SHISA9: variants seen among roughly 807,000 people sequenced by gnomAD.
The protein encoded by SHISA9 is shisa family member 9, also known as protein shisa-9.
Under a neutral mutation model 38.0 loss-of-function variants are expected in SHISA9, and 13 were observed. The observed-to-expected ratio is 0.34, with a 90% confidence interval of 0.22 to 0.54. The LOEUF (loss-of-function observed/expected upper bound fraction) is 0.54. SHISA9 is among the 20% of genes least tolerant of loss of function. The pLI, the probability that SHISA9 is intolerant of heterozygous loss-of-function variation, is 0.91. For synonymous variants in SHISA9, 275 were observed against 242.0 expected (o/e 1.14, Z -1.27); for missense variants, 538 against 575.8 (o/e 0.93, Z 0.67).
the SHISA9 span, among the ~76,000 whole-genome samples, chr16:13,459,251 C>T: frequency 6.6e-6 from 1 of 152,032 alleles, no homozygotes; most frequent in Admixed American, 6.6e-5. Context: ...TCACGTGCAG[C>T]CCTGGTGTAG....
In SHISA9 at chr16:12,902,081, G is replaced by C. The variant is rs1268219852; in HGVS notation, c.17G>C (p.Arg6Pro). 2.0e-6 allele frequency: 3 copies of C among 1,490,554 alleles called. No individual in the cohort carries two copies. Among genetic ancestry groups the C allele is most frequent in the East Asian group, 5.7e-5 (2 of 35,148 alleles). The allele number at this position is 1,490,554 out of a possible 1,614,324, so 92.3% of individuals were successfully genotyped here. MRRVLRLLLGCFLTEL... is the reference protein window; with the variant it reads MRRVLPLLLGCFLTEL... ...GGAGACACCATGCGCCGCGTCCTTC[G>C]GCTGCTCCTCGGTTGCTTCCTCACC... Residue 6 changes from arginine (R) to proline (P), a missense_variant, in exon 1 of 5, where the codon CGG (arginine) becomes CCG (proline). Around this residue, in one of 4 missense-constraint regions of SHISA9, gnomAD observed 107 missense variants for 103.0 expected, o/e 1.04. Coordinates refer to ENST00000558583, the MANE Select transcript of SHISA9 (RefSeq NM_001145204.3).
chr16:13,540,792 A>G, the SHISA9 span, among the ~76,000 whole-genome samples: 50 of 152,326 alleles, frequency 3.3e-4, no homozygotes, highest in Non-Finnish European at 3.1e-4. Flanking sequence ...GTAGATGATC[A>G]TTAATATTTA....
At chr16:13,520,115 G>A in the SHISA9 span, among the ~76,000 whole-genome samples, 1 of 152,202 alleles carries the variant, frequency 6.6e-6, no homozygotes, top group South Asian at 2.1e-4. Context: ...CTGGGATAAT[G>A]CTGGTGACAG....
intron 2 of SHISA9, among the ~76,000 whole-genome samples, chr16:13,164,215 C>T (rs1231897084): frequency 1.3e-5 from 2 of 151,982 alleles, no homozygotes; most frequent in African/African-American, 2.4e-5. Context: ...CATTTTATCA[C>T]ATGATTTTTA....
At chr16:13,368,559 T>A in the SHISA9 span, among the ~76,000 whole-genome samples, 1 of 152,098 alleles carries the variant, frequency 6.6e-6, no homozygotes, top group Non-Finnish European at 1.5e-5. Context: ...AGTGTGAGCT[T>A]GTTTTTAGAT....
intron 2 of SHISA9, among the ~76,000 whole-genome samples, chr16:13,119,083 A>G (rs1821917): frequency 0.046 from 6,892 of 150,418 alleles, 259 homozygotes; most frequent in East Asian, 0.17. Flanking sequence ...GGCTAGGCTG[A>G]TCTTGAACTT....
the SHISA9 span, among the ~76,000 whole-genome samples, chr16:13,334,773 C>CAA: frequency 0.026 from 2,554 of 97,328 alleles, 66 homozygotes; most frequent in South Asian, 0.064. Context: ...GACTCCATCT[C>CAA]AAAAAAAAAA....
At chr16:13,513,540 T>A in the SHISA9 span, among the ~76,000 whole-genome samples, 1 of 152,212 alleles carries the variant, frequency 6.6e-6, no homozygotes, top group African/African-American at 2.4e-5. Context: ...TGCACATGTA[T>A]GTTTATTGCA....
chr16:13,498,976 A>C, the SHISA9 span, among the ~76,000 whole-genome samples: 1 of 152,102 alleles, frequency 6.6e-6, no homozygotes, highest in African/African-American at 2.4e-5. Flanking sequence ...TGCTGAGAGG[A>C]TACCTATGGG....
intron 2 of SHISA9, among the ~76,000 whole-genome samples, chr16:13,095,174 G>T (rs1321454094): frequency 2.0e-5 from 3 of 152,212 alleles, no homozygotes; most frequent in Admixed American, 1.3e-4. Flanking sequence ...ACGTGTATTT[G>T]GAGCTTGTTT....
the SHISA9 span, among the ~76,000 whole-genome samples, chr16:13,409,027 C>G: frequency 6.6e-6 from 1 of 152,164 alleles, no homozygotes; most frequent in African/African-American, 2.4e-5. Flanking sequence ...CCGTATAAAC[C>G]CTGAACCCCA....
chr16:13,114,006 C>T (rs1187531480), intron 2 of SHISA9, among the ~76,000 whole-genome samples: 2 of 152,060 alleles, frequency 1.3e-5, no homozygotes, highest in Non-Finnish European at 2.9e-5. Flanking sequence ...TGGAAAAATT[C>T]CGGAGAATTT....
the SHISA9 span, among the ~76,000 whole-genome samples, chr16:13,418,028 A>G: frequency 6.6e-6 from 1 of 152,118 alleles, no homozygotes; most frequent in Non-Finnish European, 1.5e-5. Flanking sequence ...TCTTCTTTAA[A>G]TCCTTCCTTT....
the SHISA9 span, among the ~76,000 whole-genome samples, chr16:13,377,707 C>T: frequency 1.3e-5 from 2 of 152,288 alleles, no homozygotes; most frequent in East Asian, 3.9e-4. Flanking sequence ...TGGGAATATC[C>T]TTTCTCTATG....
chr16:12,973,647 G>T (rs2072115706), intron 2 of SHISA9, among the ~76,000 whole-genome samples: 1 of 152,146 alleles, frequency 6.6e-6, no homozygotes, highest in South Asian at 2.1e-4. Flanking sequence ...TAAGCAACTT[G>T]TGTATATGTA....
rs11865870 is a variant in SHISA9 at position 13,106,359 on chromosome 16, G to A, written c.692-97035G>A. Among the ~76,000 whole-genome samples, 1,141 of 152,252 alleles carry A rather than the reference G, an allele frequency of 7.5e-3. 17 individuals carry two copies. Among genetic ancestry groups the A allele is most frequent in the African/African-American group, 0.026 (1,079 of 41,524 alleles). On this transcript the variant is annotated intron_variant, in intron 2 of 4. Coordinates refer to ENST00000558583, the MANE Select transcript of SHISA9 (RefSeq NM_001145204.3). ...GGTGCAAGTTTAAGTTCCTGCATCA[G>A]AGTCCACCTCCACCACTTACTAGCT...
chr16:12,958,757 G>A (rs186619671), intron 2 of SHISA9, among the ~76,000 whole-genome samples: 29 of 152,308 alleles, frequency 1.9e-4, no homozygotes, highest in Admixed American at 5.9e-4. Context: ...GAAGTTCAAA[G>A]AGGTTAGAAG....
At chr16:12,958,580 C>T (rs2071866878) in intron 2 of SHISA9, among the ~76,000 whole-genome samples, 1 of 152,238 alleles carries the variant, frequency 6.6e-6, no homozygotes, top group African/African-American at 2.4e-5. Flanking sequence ...GTTGTCAGGA[C>T]AGCAACAGAC....
At chr16:13,562,629 GAAAAAAAAAA>G in the SHISA9 span, 2 of 89,646 alleles carry the variant, frequency 2.2e-5, no homozygotes, top group African/African-American at 7.9e-5. Flanking sequence ...GACTCTGTCT[GAAAAAAAAAA>G]AAAAAAAAAA....
Sources: allele counts gnomAD v4.1 joint callset (sites outside exome capture counted in the v4.1 genomes callset), GRCh38; gene constraint gnomAD v4.1.1; regional missense constraint gnomAD v4.1.1; transcripts MANE v1.5; gene names NCBI Gene and HGNC (gene_info 2026-07-23, HGNC 2026-07-21).